The following KHDRBS2 variants were observed in gnomAD, a reference collection of about 807,000 sequenced individuals.
The protein encoded by KHDRBS2 is KH RNA binding domain containing, signal transduction associated 2.
Under a neutral mutation model 44.3 loss-of-function variants are expected in KHDRBS2, and 26 were observed. The observed-to-expected ratio is 0.59, with a 90% CI of 0.43 to 0.81. The LOEUF is 0.81. KHDRBS2 is among the 40% of genes least tolerant of loss of function. The pLI is 0.00. For synonymous variants in KHDRBS2, 194 were observed against 151.1 expected, an observed-to-expected ratio of 1.28 and a Z score of -2.08; for missense variants, 476 against 433.1, an observed-to-expected ratio of 1.10 and a Z score of -0.88.
the KHDRBS2 span, among the ~76,000 whole-genome samples, chr6:61,591,513 G>T: frequency 1.3e-5 from 2 of 152,076 alleles, no homozygotes; most frequent in Non-Finnish European, 2.9e-5. Flanking sequence ...CATCCTGTTG[G>T]TCAGGATGAT....
chr6:61,590,412 A>G, the KHDRBS2 span, among the ~76,000 whole-genome samples: 1 of 152,202 alleles, frequency 6.6e-6, no homozygotes, highest in Non-Finnish European at 1.5e-5. Context: ...TGGTGCATCC[A>G]AAGTCTTATC....
intron 6 of KHDRBS2, among the ~76,000 whole-genome samples, chr6:61,837,468 A>C (rs1792874648): frequency 6.6e-6 from 1 of 151,988 alleles, no homozygotes; most frequent in Non-Finnish European, 1.5e-5. Flanking sequence ...GATTTACACT[A>C]TGAAGTAAAT....
intron 1 of KHDRBS2, among the ~76,000 whole-genome samples, chr6:62,239,727 C>T (rs1389296754): frequency 6.6e-6 from 1 of 152,012 alleles, no homozygotes; most frequent in Admixed American, 6.6e-5. Flanking sequence ...GCTCTGTCAC[C>T]TAGGCTGGAG....
At chr6:61,809,091 A>G (rs1582949278) in intron 6 of KHDRBS2, among the ~76,000 whole-genome samples, 1 of 152,236 alleles carries the variant, frequency 6.6e-6, no homozygotes, top group South Asian at 2.1e-4. Flanking sequence ...GGGAAAAAAA[A>G]AAGAAGGTAA....
At chr6:61,903,163 G>A (rs1804368769) in intron 4 of KHDRBS2, among the ~76,000 whole-genome samples, 1 of 152,070 alleles carries the variant, frequency 6.6e-6, no homozygotes, top group Non-Finnish European at 1.5e-5. Context: ...TTAGAATCAG[G>A]AAATATAATG....
chr6:62,054,324 C>A (rs1789778047), intron 2 of KHDRBS2, among the ~76,000 whole-genome samples: 1 of 151,980 alleles, frequency 6.6e-6, no homozygotes, highest in Admixed American at 6.6e-5. Flanking sequence ...AGTCCTGGGG[C>A]ACAGATAGAC....
chr6:61,652,988 G>A, the KHDRBS2 span, among the ~76,000 whole-genome samples: 4 of 152,056 alleles, frequency 2.6e-5, no homozygotes, highest in Non-Finnish European at 5.9e-5. Flanking sequence ...GACACCGGAG[G>A]CAATGGACCA....
intron 6 of KHDRBS2, among the ~76,000 whole-genome samples, chr6:61,810,845 G>A (rs1715024): frequency 0.28 from 42,490 of 151,932 alleles, 6,135 homozygotes; most frequent in South Asian, 0.36. Context: ...GGGTACAAAG[G>A]AAAGGGAGAT....
chr6:61,674,186 A>G, the KHDRBS2 span, among the ~76,000 whole-genome samples: 1 of 151,910 alleles, frequency 6.6e-6, no homozygotes, highest in East Asian at 2.0e-4. Flanking sequence ...ATGTTTTTCT[A>G]TGATGAAATC....
chr6:62,104,247 T>C (rs1802597004), intron 2 of KHDRBS2, among the ~76,000 whole-genome samples: 1 of 152,226 alleles, frequency 6.6e-6, no homozygotes, highest in African/African-American at 2.4e-5. Flanking sequence ...CCAGTGTACC[T>C]AGAACATTTA....
intron 5 of KHDRBS2, among the ~76,000 whole-genome samples, 171 bp downstream of exon 5, chr6:61,901,073 C>T (rs1051539521): frequency 1.3e-5 from 2 of 152,168 alleles, no homozygotes; most frequent in African/African-American, 4.8e-5. Flanking sequence ...GGTGACTTAA[C>T]ATGTGTAAAG....
chr6:61,586,581 T>A, the KHDRBS2 span, among the ~76,000 whole-genome samples: 5 of 152,158 alleles, frequency 3.3e-5, no homozygotes, highest in Admixed American at 3.3e-4. Context: ...GACATAGGAC[T>A]CTATAGAGGA....
the KHDRBS2 span, among the ~76,000 whole-genome samples, chr6:61,619,820 GT>G: frequency 6.6e-6 from 1 of 152,070 alleles, no homozygotes; most frequent in South Asian, 2.1e-4. Context: ...CATCCACTCA[GT>G]TGATCGGTAC....
At chr6:62,013,412 G>T (rs1780653049) in intron 3 of KHDRBS2, among the ~76,000 whole-genome samples, 1 of 151,938 alleles carries the variant, frequency 6.6e-6, no homozygotes, top group Non-Finnish European at 1.5e-5. Context: ...GATATAAGTT[G>T]ATCAAACTGA....
intron 4 of KHDRBS2, among the ~76,000 whole-genome samples, chr6:61,933,224 A>C (rs1279235499): frequency 6.6e-6 from 1 of 151,758 alleles, no homozygotes; most frequent in Non-Finnish European, 1.5e-5. Context: ...AACAACCAGA[A>C]CTCCTGAGAA....
At chr6:61,775,624 T>A (rs1300728415) in intron 6 of KHDRBS2, among the ~76,000 whole-genome samples, 1 of 152,128 alleles carries the variant, frequency 6.6e-6, no homozygotes, top group Non-Finnish European at 1.5e-5. Flanking sequence ...TACAAACCAT[T>A]GCTCAATGAA....
chr6:62,022,301 A>G (rs1038924506), intron 3 of KHDRBS2, among the ~76,000 whole-genome samples: 3 of 151,818 alleles, frequency 2.0e-5, no homozygotes. Context: ...TTATGAAGTA[A>G]AAATGTTTAG....
At chr6:61,955,150 G>C (rs116278283) in intron 4 of KHDRBS2, among the ~76,000 whole-genome samples, 42,254 of 139,084 alleles carry the variant, frequency 0.3, 7,340 homozygotes, top group Middle Eastern at 0.49. Flanking sequence ...ACACATACGT[G>C]TGTATGTATG....
chr6:62,181,031 A>C (rs1311149878), intron 1 of KHDRBS2, among the ~76,000 whole-genome samples: 1 of 151,844 alleles, frequency 6.6e-6, no homozygotes, highest in African/African-American at 2.4e-5. Context: ...CTGCACAAAA[A>C]AAAAAAAAAT....
Sources: allele counts gnomAD v4.1 joint callset (sites outside exome capture counted in the v4.1 genomes callset), GRCh38; gene constraint gnomAD v4.1.1; transcripts MANE v1.5; gene names NCBI Gene and HGNC (gene_info 2026-07-23, HGNC 2026-07-21).